PLXNA4: variants seen among roughly 807,000 people sequenced by gnomAD.
PLXNA4 encodes the protein plexin A4.
In PLXNA4, 44 loss-of-function variants were observed where a neutral mutation model predicts 191.8. That is an observed-to-expected ratio of 0.23 (90% confidence interval 0.18 to 0.29). The LOEUF is 0.29. Ranked by LOEUF, PLXNA4 falls within the 10% of genes least tolerant of loss-of-function variation. The pLI, the probability that PLXNA4 is intolerant of heterozygous loss-of-function variation, is 1.00. For missense variants in PLXNA4, 1,800 were observed against 2,488.8 expected (o/e 0.72, Z 5.89); for synonymous variants, 1,082 against 1,009.5 (o/e 1.07, Z -1.36).
intron 3 of PLXNA4, among the ~76,000 whole-genome samples, chr7:132,373,469 G>C (rs879930326): frequency 2.0e-5 from 3 of 152,170 alleles, no homozygotes; most frequent in Non-Finnish European, 4.4e-5. Context: ...AGCTGGAAAG[G>C]TTCGATTTTG....
chr7:132,606,643 G>A (rs1300933562), intron 2 of PLXNA4, among the ~76,000 whole-genome samples: 1 of 150,530 alleles, frequency 6.6e-6, no homozygotes, highest in African/African-American at 2.5e-5. Context: ...TCCAAAACAA[G>A]CATTATAGCA....
chr7:132,280,809 T>C (rs1800452228), intron 4 of PLXNA4, among the ~76,000 whole-genome samples: 1 of 152,172 alleles, frequency 6.6e-6, no homozygotes, highest in African/African-American at 2.4e-5. Context: ...TAAAGTTAAT[T>C]TATAAAGAAG....
chr7:132,366,571 T>C (rs937699280), intron 3 of PLXNA4, among the ~76,000 whole-genome samples: 1 of 152,154 alleles, frequency 6.6e-6, no homozygotes, highest in Non-Finnish European at 1.5e-5. Flanking sequence ...TATTTCTTTC[T>C]CTTGGCTACC....
chr7:132,639,109 C>G (rs1254228826), intron 2 of PLXNA4, among the ~76,000 whole-genome samples: 1 of 152,202 alleles, frequency 6.6e-6, no homozygotes, highest in African/African-American at 2.4e-5. Context: ...GGACTGAGAA[C>G]ACCCATCACG....
intron 3 of PLXNA4, among the ~76,000 whole-genome samples, chr7:132,307,898 C>G (rs1232754140): frequency 1.3e-5 from 2 of 152,140 alleles, no homozygotes; most frequent in Non-Finnish European, 2.9e-5. Flanking sequence ...GTGCACAAAT[C>G]GTGTGCCGTG....
intron 2 of PLXNA4, among the ~76,000 whole-genome samples, chr7:132,584,799 A>T (rs115563230): frequency 0.019 from 2,844 of 152,276 alleles, 82 homozygotes; most frequent in African/African-American, 0.056. Flanking sequence ...ACCACGTGCA[A>T]GTACTACGTT....
At chr7:132,430,879 C>T (rs557979201) in intron 3 of PLXNA4, among the ~76,000 whole-genome samples, 30 of 152,294 alleles carry the variant, frequency 2.0e-4, no homozygotes, top group Admixed American at 9.8e-4. Context: ...AAACCCTAAA[C>T]TAGGACAGGA....
chr7:132,610,589 G>A (rs1803026460), intron 2 of PLXNA4, among the ~76,000 whole-genome samples: 1 of 152,216 alleles, frequency 6.6e-6, no homozygotes, highest in Admixed American at 6.5e-5. Flanking sequence ...GCAGCAACCT[G>A]CCCTAACATT....
At chr7:132,338,681 T>C (rs1802910597) in intron 3 of PLXNA4, among the ~76,000 whole-genome samples, 1 of 152,162 alleles carries the variant, frequency 6.6e-6, no homozygotes. Context: ...CAACATTCAA[T>C]AAATAATTAC....
intron 20 of PLXNA4, among the ~76,000 whole-genome samples, chr7:132,175,269 G>A (rs1796419984): frequency 6.6e-6 from 1 of 152,166 alleles, no homozygotes; most frequent in African/African-American, 2.4e-5. Context: ...AAAATATGCT[G>A]GGGAGGGGGA....
intron 4 of PLXNA4, among the ~76,000 whole-genome samples, chr7:132,278,278 G>T (rs1010509645): frequency 6.6e-6 from 1 of 152,132 alleles, no homozygotes; most frequent in East Asian, 1.9e-4. Context: ...GCTTCAGAGG[G>T]CAGTAAAAGG....
At chr7:132,175,435 G>A (rs1796424443) in intron 20 of PLXNA4, among the ~76,000 whole-genome samples, 1 of 152,198 alleles carries the variant, frequency 6.6e-6, no homozygotes. Flanking sequence ...GCTCATCAGA[G>A]CCATCAAACT....
Position 132,334,252 on chromosome 7 carries a change from C to CTTT in PLXNA4, c.1372-36033_1372-36031dup, listed in dbSNP as rs71529758. Among the ~76,000 whole-genome samples, 294 of 75,596 alleles carry CTTT rather than the reference C, an allele frequency of 3.9e-3. 8 individuals carry two copies. Among genetic ancestry groups the CTTT allele is most frequent in the African/African-American group, 0.014 (224 of 16,418 alleles). The allele number at this position is 75,596 out of a possible 152,430, so 49.6% of individuals were successfully genotyped here. On this transcript the variant is annotated intron_variant, in intron 3 of 31. Coordinates refer to ENST00000321063, the MANE Select transcript of PLXNA4 (RefSeq NM_020911.2). ...TTTCTTTTCTTTTCTTTCTTTCTTT[C>CTTT]TTTTTTTTTTTTTTTTTTTTTTTGA...
In PLXNA4 at chr7:132,562,681, TCTC is replaced by T. The variant is rs577018830; in HGVS notation, c.-87+13738_-87+13740del. ...CTCCTTCTCTTCCTCCTCCTCCTCCTCTCCTCCTTTTCCTCCTCCTCCTTCACC... is the reference window on the plus strand; with the variant it reads ...CTCCTTCTCTTCCTCCTCCTCCTCCTCTCCTTTTCCTCCTCCTCCTTCACC... On this transcript the variant is annotated intron_variant, in intron 1 of 31. Coordinates refer to ENST00000321063, the MANE Select transcript of PLXNA4 (RefSeq NM_020911.2). 3.5e-3 allele frequency among the ~76,000 whole-genome samples: 245 copies of T among 69,408 alleles called. 1 individual carries two copies. The highest frequency in any genetic ancestry group is 0.028 in the Middle Eastern group (2 of 72). 45.5% of individuals were successfully genotyped at this position (69,408 alleles called of 152,430 possible).
chr7:132,484,926 C>A, intron 3 of PLXNA4: 1 of 1,614,168 alleles, frequency 6.2e-7, no homozygotes, highest in South Asian at 1.1e-5. Flanking sequence ...AGCATCTGTT[C>A]CTGAGAAGCA....
chr7:132,133,887 C>T (rs1362431711), intron 30 of PLXNA4, among the ~76,000 whole-genome samples: 1 of 152,190 alleles, frequency 6.6e-6, no homozygotes, highest in East Asian at 1.9e-4. Context: ...ACTTCTCACC[C>T]TCTCCTATGT....
intron 1 of PLXNA4, among the ~76,000 whole-genome samples, chr7:132,531,305 ACTGT>A (rs1205297456): frequency 6.6e-6 from 1 of 152,234 alleles, no homozygotes; most frequent in Non-Finnish European, 1.5e-5. Flanking sequence ...TCTCACAATT[ACTGT>A]CTGTATTTGT....
At chr7:132,500,722 G>A (rs1798214597) in intron 2 of PLXNA4, among the ~76,000 whole-genome samples, 1 of 152,148 alleles carries the variant, frequency 6.6e-6, no homozygotes, top group Non-Finnish European at 1.5e-5. Context: ...ATGTTTGAGT[G>A]TCCTATGAAT....
chr7:132,470,238 G>A (rs79819751), intron 3 of PLXNA4, among the ~76,000 whole-genome samples: 5,105 of 152,270 alleles, frequency 0.034, 105 homozygotes, highest in Middle Eastern at 0.099. Context: ...GTCTTGACCA[G>A]TAGAGTTCAC....
Sources: gnomAD v4.1 joint callset for allele counts (sites outside exome capture counted in the v4.1 genomes callset) on GRCh38, gnomAD v4.1.1 for gene constraint, MANE v1.5 for transcripts, NCBI Gene and HGNC (gene_info 2026-07-23, HGNC 2026-07-21) for gene names.